The following SPIRE2 variants were observed in gnomAD, a reference collection of about 807,000 sequenced individuals.
SPIRE2 encodes protein spire homolog 2.
A neutral mutation model predicts 80.7 loss-of-function variants in SPIRE2; 76 were observed. The ratio of observed to expected loss-of-function variants is 0.94; its 90% CI spans 0.78 to 1.14. The LOEUF is 1.14. Among genes scored for constraint, SPIRE2 ranks in the 50% most tolerant of loss-of-function variants. The probability of loss-of-function intolerance (pLI) is 0.00; values close to 1 mark genes in which losing one functional copy is unlikely to be tolerated. For missense variants in SPIRE2, 1,196 were observed against 1,015.3 expected (o/e 1.18, Z -2.42); for synonymous variants, 535 against 432.6 (o/e 1.24, Z -2.94).
intron 1 of SPIRE2, among the ~76,000 whole-genome samples, chr16:89,835,600 G>C (rs1047907339): frequency 6.6e-6 from 1 of 152,194 alleles, no homozygotes; most frequent in African/African-American, 2.4e-5. Context: ...GTGGGTCTCA[G>C]TGCAGGAAGA....
intron 7 of SPIRE2, among the ~76,000 whole-genome samples, chr16:89,857,651 A>G (rs959029106): frequency 7.3e-5 from 11 of 150,630 alleles, no homozygotes; most frequent in African/African-American, 2.4e-4. Context: ...GCTCACTGCA[A>G]CCTCCACCTC....
rs1005477088 is a variant in SPIRE2, at chr16:89,870,085, A to C, written c.1958A>C (p.Glu653Ala). 2 of 1,613,252 alleles carry C rather than the reference A, an allele frequency of 1.2e-6. No homozygotes were observed. The highest frequency in any genetic ancestry group is 2.7e-5 in the African/African-American group (2 of 74,874). The change falls in exon 15 of 15, where the codon GAG becomes GCG. Residue 653 changes from glutamate to alanine, a missense_variant. Transcript: ENST00000378247. ...LQGPQWQSVE[E>A]AFPHIYSHGC... ...GGGCCACAGTGGCAGAGCGTGGAGG[A>C]GGCGTTCCCCCACATCTACTCCCAC...
chr16:89,855,897 A>G, intron 6 of SPIRE2: 1 of 965,370 alleles, frequency 1.0e-6, no homozygotes, highest in Non-Finnish European at 1.5e-6. Flanking sequence ...GGAAGGGGCC[A>G]TGTGAGCCAT....
intron 1 of SPIRE2, among the ~76,000 whole-genome samples, chr16:89,840,980 G>T (rs1159433517): frequency 6.6e-6 from 1 of 151,812 alleles, no homozygotes; most frequent in South Asian, 2.1e-4. Flanking sequence ...TTGTTTCAAA[G>T]AAGACTCCCT....
At position 89,859,377 on chromosome 16, in the gene SPIRE2, G is replaced by A. The variant is rs779239775; in HGVS notation, c.1462+23G>A. 2.3e-5 allele frequency: 33 copies of A among 1,442,086 alleles called. No individual in the cohort carries two copies. The East Asian group carries it at 3.6e-4, about 16-fold the overall frequency. The allele number at this position is 1,442,086 out of a possible 1,614,324, so 89.3% of individuals were successfully genotyped here. A position where few individuals can be genotyped will look rare whatever the true frequency, so the allele number is the denominator to read the frequency against. ...AGGGCAAGTGCTGCTTCTCACCCCCGTACCCTCCTTCGCCCCCACCCCGAT... is the reference window on the plus strand; with the variant it reads ...AGGGCAAGTGCTGCTTCTCACCCCCATACCCTCCTTCGCCCCCACCCCGAT... On this transcript the variant is annotated intron_variant, in intron 9 of 14. Coordinates refer to ENST00000378247, the MANE Select transcript of SPIRE2 (RefSeq NM_032451.2).
rs2041684995 is a variant in SPIRE2, at chr16:89,855,790, G to C, written c.978+104G>C. ...GCACGTCTTCCTGTGGCCAGCCTGGGAGGTGTCCCAGTGCGTCTGCGTCAC... is the reference window on the plus strand; with the variant it reads ...GCACGTCTTCCTGTGGCCAGCCTGGCAGGTGTCCCAGTGCGTCTGCGTCAC... On this transcript the variant is annotated intron_variant, in intron 6 of 14. Coordinates refer to ENST00000378247, the MANE Select transcript of SPIRE2 (RefSeq NM_032451.2). 3 of 1,215,236 alleles carry C rather than the reference G, an allele frequency of 2.5e-6. No homozygotes were observed. In the Admixed American group the frequency reaches 6.0e-5, roughly 24 times the overall value. The allele number at this position is 1,215,236 out of a possible 1,614,324, so 75.3% of individuals were successfully genotyped here. A position where few individuals can be genotyped will look rare whatever the true frequency, so the allele number is the denominator to read the frequency against.
At chr16:89,868,286 G>C (rs1369231970) in intron 13 of SPIRE2, 70 bp downstream of exon 13, 98 of 1,493,842 alleles carry the variant, frequency 6.6e-5, no homozygotes, top group Non-Finnish European at 8.9e-5. Flanking sequence ...TTGATTGGAT[G>C]TGTTGGATGA....
chr16:89,869,767 T>C, intron 14 of SPIRE2, 85 bp downstream of exon 14: 1 of 1,045,482 alleles, frequency 9.6e-7, no homozygotes, highest in Non-Finnish European at 1.5e-6. Flanking sequence ...GGGGCTGGCT[T>C]TGTCTGTTTG....
chr16:89,845,598 G>A (rs1396490766), intron 2 of SPIRE2: 1 of 702,612 alleles, frequency 1.4e-6, no homozygotes, highest in East Asian at 2.7e-5. Context: ...CGGCCTGGAG[G>A]AGGCAGTGGT....
intron 2 of SPIRE2, chr16:89,845,780 G>T: frequency 1.7e-6 from 1 of 595,156 alleles, no homozygotes; most frequent in South Asian, 2.0e-5. Context: ...CCTCACCGCA[G>T]GGCAGGGCCT....
In SPIRE2 at chr16:89,863,661, G is replaced by T; in HGVS notation, c.1710+51G>T. 6.2e-7 allele frequency: 1 copy of T among 1,613,598 alleles called. No homozygotes were observed. Among genetic ancestry groups the T allele is most frequent in the Non-Finnish European group, 8.5e-7 (1 of 1,179,758 alleles). ...CGCTCTTGCCCGCTGGGTCAGGGGC[G>T]GGTGCCGAGAGGGCCAGTTCCCAGG... On this transcript the variant is annotated intron_variant, in intron 11 of 14. Transcript: ENST00000378247. The surrounding 1 kb of genome is among the most constrained non-coding windows in gnomAD (Gnocchi z 4.3).
At chr16:89,850,750 G>A (rs2041618148) in intron 3 of SPIRE2, 90 bp downstream of exon 3, 4 of 1,000,402 alleles carry the variant, frequency 4.0e-6, no homozygotes, top group Non-Finnish European at 5.6e-6. Context: ...ACGTCTCTTC[G>A]TGGACAGAAA....
chr16:89,831,066 C>A (rs35834742), intron 1 of SPIRE2, among the ~76,000 whole-genome samples: 2,134 of 150,392 alleles, frequency 0.014, 90 homozygotes, highest in South Asian at 0.099. Context: ...CCCGCCACCA[C>A]GCCCGGCTAA....
intron 8 of SPIRE2, 92 bp from the exon 9 acceptor site, chr16:89,859,073 C>A: frequency 8.3e-7 from 1 of 1,207,934 alleles, no homozygotes; most frequent in Non-Finnish European, 1.1e-6. Flanking sequence ...GCAGACCCTG[C>A]GGCACCCCTG....
In SPIRE2 at chr16:89,860,796, G is replaced by T; in HGVS notation, c.1575+1G>T. 1 of 1,481,462 alleles carries T rather than the reference G, an allele frequency of 6.8e-7. No individual in the cohort carries two copies. Among genetic ancestry groups the T allele is most frequent in the Non-Finnish European group, 9.0e-7 (1 of 1,114,090 alleles). 91.8% of individuals were successfully genotyped at this position (1,481,462 alleles called of 1,614,324 possible). A position where few individuals can be genotyped will look rare whatever the true frequency, so the allele number is the denominator to read the frequency against. On this transcript the variant is annotated splice_donor_variant, in intron 10 of 14. Coordinates refer to ENST00000378247, the MANE Select transcript of SPIRE2 (RefSeq NM_032451.2). LOFTEE classifies it high-confidence loss of function. ...CCCCGATGCCAAACACCTGTGGCTG[G>T]TGAGTGAGGGTGCGATTGTCGTCCA...
At position 89,850,724 on chromosome 16, in the gene SPIRE2, G is replaced by C. The variant is rs564240990; in HGVS notation, c.645+64G>C. On this transcript the variant is annotated intron_variant, in intron 3 of 14. Transcript: ENST00000378247. ...GGCCAGGGAGGGGAGCAGTGGGTGG[G>C]AGGGGACTGGCAAGGACGTCTCTTC... The C allele has an allele frequency of 9.0e-5, 82 of 909,000 alleles. No homozygotes were observed. The African/African-American group carries it at 1.2e-3, about 13-fold the overall frequency. The allele number at this position is 909,000 out of a possible 1,614,324, so 56.3% of individuals were successfully genotyped here. A position where few individuals can be genotyped will look rare whatever the true frequency, so the allele number is the denominator to read the frequency against.
chr16:89,860,718 C>A lies in SPIRE2; in HGVS notation c.1498C>A (p.Pro500Thr), dbSNP rs2143821825. 6.3e-7 allele frequency: 1 copy of A among 1,592,386 alleles called. No homozygotes were observed. The highest frequency in any genetic ancestry group is 8.5e-7 in the Non-Finnish European group (1 of 1,170,070). Residue 500 changes from proline to threonine, a missense_variant, in exon 10 of 15, where the codon CCC becomes ACC. Pro to Thr is a conservative substitution (Grantham distance 38, BLOSUM62 -1). Coordinates refer to ENST00000378247, the MANE Select transcript of SPIRE2 (RefSeq NM_032451.2). The part of the protein sequence containing the change: ...CPASVSDPSH[P>T]LLSNRGSSGD... Reference sequence around the variant, plus strand: ...CGCGAGTGTCTCTGACCCCAGCCACCCCCTACTCAGCAACCGGGGCTCCTC... The same window carrying A: ...CGCGAGTGTCTCTGACCCCAGCCACACCCTACTCAGCAACCGGGGCTCCTC...
Position 89,855,603 on chromosome 16 carries a change from G to A in SPIRE2, c.895G>A (p.Asp299Asn). ...RNYKLRKVMVDGDIPPRVKKD... is the reference protein window; with the variant it reads ...RNYKLRKVMVNGDIPPRVKKD... ...AGATCAGCCGTCCTCCCCGCAGGTGGATGGGGACATCCCGCCCCGGGTGAA... is the reference window on the plus strand; with the variant it reads ...AGATCAGCCGTCCTCCCCGCAGGTGAATGGGGACATCCCGCCCCGGGTGAA... The change falls in exon 6 of 15, where the codon GAT (aspartate) becomes AAT (asparagine). Residue 299 changes from aspartate (D) to asparagine (N), a missense_variant. Transcript: ENST00000378247. The A allele has an allele frequency of 6.2e-7, 1 of 1,612,586 alleles. No individual in the cohort carries two copies. Among genetic ancestry groups the A allele is most frequent in the East Asian group, 2.2e-5 (1 of 44,872 alleles).
At chr16:89,855,080 A>G (rs2041676764) in intron 5 of SPIRE2, among the ~76,000 whole-genome samples, 1 of 152,132 alleles carries the variant, frequency 6.6e-6, no homozygotes, top group South Asian at 2.1e-4. Context: ...CTGGGACTAC[A>G]GGCGCCCGCC....
Sources: gnomAD v4.1 joint callset for allele counts (sites outside exome capture counted in the v4.1 genomes callset) on GRCh38, gnomAD v4.1.1 for gene constraint, Gnocchi (gnomAD v3.1) non-coding constraint, MANE v1.5 for transcripts, NCBI Gene and HGNC (gene_info 2026-07-23, HGNC 2026-07-21) for gene names.